DPP8: variants seen among roughly 807,000 people sequenced by gnomAD.
The protein encoded by DPP8 is dipeptidyl peptidase 8, also known as DPP VIII.
In DPP8, 31 loss-of-function variants were observed where a neutral mutation model predicts 107.5. That is an observed-to-expected ratio of 0.29 (90% CI 0.22 to 0.39). DPP8 has a LOEUF of 0.39. Among genes scored for constraint, DPP8 ranks in the 10% least tolerant of loss-of-function variants. The probability of loss-of-function intolerance (pLI) is 1.00; values close to 1 mark genes in which losing one functional copy is unlikely to be tolerated. For synonymous variants in DPP8, 381 were observed against 356.6 expected, an observed-to-expected ratio of 1.07 and a Z score of -0.77; for missense variants, 842 against 1,076.1, an observed-to-expected ratio of 0.78 and a Z score of 3.04.
chr15:65,510,729 C>T (rs765339812), intron 2 of DPP8, among the ~76,000 whole-genome samples: 5 of 152,018 alleles, frequency 3.3e-5, no homozygotes, highest in Non-Finnish European at 4.4e-5. Context: ...AGTAGAGACG[C>T]GGTTTCACCA....
At chr15:65,474,120 G>C (rs928990593) in intron 12 of DPP8, 89 bp downstream of exon 12, 2 of 986,342 alleles carry the variant, frequency 2.0e-6, no homozygotes, top group Non-Finnish European at 3.2e-6. Flanking sequence ...AAAAAATACC[G>C]GGGTCATATT....
chr15:65,492,457 C>T (rs1567243444), intron 5 of DPP8, among the ~76,000 whole-genome samples: 1 of 152,078 alleles, frequency 6.6e-6, no homozygotes, highest in African/African-American at 2.4e-5. Context: ...TAAGAAAGTG[C>T]CAAACAGTTA....
intron 17 of DPP8, among the ~76,000 whole-genome samples, chr15:65,452,586 T>C (rs971443773): frequency 1.3e-5 from 2 of 152,096 alleles, no homozygotes; most frequent in Admixed American, 6.6e-5. Context: ...CTGGGAAAAT[T>C]ATGGAAGTGG....
rs1351789213 is a variant in DPP8, at chr15:65,500,509, T to G, written c.546+97A>C. On this transcript the variant is annotated intron_variant, in intron 4 of 19. Transcript: ENST00000300141. ...TAAATTTCTTTGTTGGTGGGTAAAC[T>G]GAAGTTGCTGGTTTGTTTATTAATT... 4 of 893,530 alleles carry G rather than the reference T, an allele frequency of 4.5e-6. No homozygotes were observed. In the Admixed American group the frequency reaches 9.2e-5, roughly 21 times the overall value. 55.4% of individuals were successfully genotyped at this position (893,530 alleles called of 1,614,324 possible). A position where few individuals can be genotyped will look rare whatever the true frequency, so the allele number is the denominator to read the frequency against.
chr15:65,495,496 C>T (rs910990335), intron 5 of DPP8, among the ~76,000 whole-genome samples: 1 of 151,798 alleles, frequency 6.6e-6, no homozygotes, highest in African/African-American at 2.4e-5. Context: ...CCCAGCTACT[C>T]AGGAGGCTGA....
At chr15:65,512,631 A>T (rs781540099) in intron 1 of DPP8, 67 bp from the exon 2 acceptor site, 78 of 1,546,084 alleles carry the variant, frequency 5.0e-5, no homozygotes, top group Non-Finnish European at 6.8e-5. Flanking sequence ...ATTCTCTGAG[A>T]GGGTCAAAAA....
At chr15:65,502,448 C>T (rs943346863) in intron 3 of DPP8, among the ~76,000 whole-genome samples, 1 of 151,974 alleles carries the variant, frequency 6.6e-6, no homozygotes, top group East Asian at 1.9e-4. Context: ...GAGGTCAAGG[C>T]AGGTGGATCA....
intron 18 of DPP8, among the ~76,000 whole-genome samples, 179 bp from the exon 19 acceptor site, chr15:65,451,289 G>A (rs600664): frequency 0.36 from 54,041 of 151,790 alleles, 11,358 homozygotes; most frequent in East Asian, 0.77. Flanking sequence ...ATGCAATGAA[G>A]GATTAAAAAA....
At position 65,474,459 on chromosome 15, in the gene DPP8, T is replaced by C. The variant is rs145892195; in HGVS notation, c.1457-171A>G. Among the ~76,000 whole-genome samples the C allele has an allele frequency of 1.8e-4, 27 of 152,324 alleles. No individual in the cohort carries two copies. In the East Asian group the frequency reaches 4.8e-3, roughly 27 times the overall value. ...TGCACAGCATTGTGAATGTACTAAA[T>C]GCCACTGCATTGTTTGTTTATTTTT... On this transcript the variant is annotated intron_variant, in intron 11 of 19. Coordinates refer to ENST00000300141, the MANE Select transcript of DPP8 (RefSeq NM_130434.5).
intron 15 of DPP8, among the ~76,000 whole-genome samples, chr15:65,456,908 C>A (rs1043347964): frequency 2.0e-5 from 3 of 152,142 alleles, no homozygotes; most frequent in African/African-American, 7.2e-5. Flanking sequence ...TTGGTTCTAG[C>A]CCCAGGAACT....
chr15:65,501,901 T>C (rs567371207), intron 3 of DPP8, among the ~76,000 whole-genome samples: 84 of 152,328 alleles, frequency 5.5e-4, no homozygotes, highest in African/African-American at 1.9e-3. Flanking sequence ...CTTTCTTTCT[T>C]TCTTTGAGAC....
Position 65,487,831 on chromosome 15 carries a change from T to C in DPP8, c.827-13A>G. On this transcript the variant is annotated splice_polypyrimidine_tract_variant and intron_variant, in intron 6 of 19. Transcript: ENST00000300141. ...CCACCACTGGGAGCTTAAAAGAAATTTAAATATTGAAAATTTAGAAGAATT... is the reference window on the plus strand; with the variant it reads ...CCACCACTGGGAGCTTAAAAGAAATCTAAATATTGAAAATTTAGAAGAATT... 6.7e-7 allele frequency: 1 copy of C among 1,490,050 alleles called. No homozygotes were observed. Among genetic ancestry groups the C allele is most frequent in the Non-Finnish European group, 9.2e-7 (1 of 1,085,318 alleles). The allele number at this position is 1,490,050 out of a possible 1,614,324, so 92.3% of individuals were successfully genotyped here. A position where few individuals can be genotyped will look rare whatever the true frequency, so the allele number is the denominator to read the frequency against.
In DPP8 at chr15:65,442,532, C is replaced by A. The variant is rs886351600; in HGVS notation, c.*4352G>T. The A allele has an allele frequency of 2.6e-5, 4 of 152,192 alleles. No homozygotes were observed. Among genetic ancestry groups the A allele is most frequent in the African/African-American group, 9.6e-5 (4 of 41,452 alleles). 9.4% of individuals were successfully genotyped at this position (152,192 alleles called of 1,614,324 possible). A position where few individuals can be genotyped will look rare whatever the true frequency, so the allele number is the denominator to read the frequency against. ...ATAAAATGCAAGAAAACTAATGTTTCACTTTACATGATTAAAAGCCATATA... is the reference window on the plus strand; with the variant it reads ...ATAAAATGCAAGAAAACTAATGTTTAACTTTACATGATTAAAAGCCATATA... On this transcript the variant is annotated 3_prime_UTR_variant, in exon 20 of 20. Coordinates refer to ENST00000300141, the MANE Select transcript of DPP8 (RefSeq NM_130434.5).
rs1555468189 is a variant in DPP8 at position 65,499,105 on chromosome 15, G to GTGTTTGTGTGTGTGTGTATA, written c.547-1074_547-1073insTATACACACACACACAAACA. Among the ~76,000 whole-genome samples, 208 of 138,826 alleles carry GTGTTTGTGTGTGTGTGTATA rather than the reference G, an allele frequency of 1.5e-3. 1 individual carries two copies. The highest frequency in any genetic ancestry group is 5.0e-3 in the African/African-American group (187 of 37,664). 91.1% of individuals were successfully genotyped at this position (138,826 alleles called of 152,430 possible). On this transcript the variant is annotated intron_variant, in intron 4 of 19. Transcript: ENST00000300141. The stretch of plus-strand genomic sequence containing the variant: ...TGTGTGTGTGTGTGTGTGTGTGTGT[G>GTGTTTGTGTGTGTGTGTATA]TATATATAAATTTATTAAGATGAAT...
At chr15:65,454,074 T>C (rs141144643) in intron 17 of DPP8, among the ~76,000 whole-genome samples, 189 bp downstream of exon 17, 1,796 of 149,592 alleles carry the variant, frequency 0.012, 37 homozygotes, top group African/African-American at 0.042. Context: ...GGGGCAGAGA[T>C]TGCAGTGAGC....
chr15:65,454,185 T>C (rs1001754536), intron 17 of DPP8, 78 bp downstream of exon 17: 4 of 945,146 alleles, frequency 4.2e-6, no homozygotes, highest in Admixed American at 6.8e-5. Context: ...CTTCAGAAAA[T>C]AGACATTTTC....
chr15:65,471,556 T>C (rs1291111210), intron 12 of DPP8, among the ~76,000 whole-genome samples: 1 of 151,460 alleles, frequency 6.6e-6, no homozygotes, highest in Non-Finnish European at 1.5e-5. Flanking sequence ...CTCCCTATGT[T>C]ACCCAGGCTG....
chr15:65,508,900 A>G (rs2070408427), intron 2 of DPP8, among the ~76,000 whole-genome samples: 1 of 152,154 alleles, frequency 6.6e-6, no homozygotes, highest in South Asian at 2.1e-4. Context: ...GAGTGAAGGA[A>G]GGAAAACATA....
chr15:65,471,991 C>T (rs2065936991), intron 12 of DPP8, among the ~76,000 whole-genome samples: 1 of 152,186 alleles, frequency 6.6e-6, no homozygotes, highest in Non-Finnish European at 1.5e-5. Context: ...ATATGTGTCA[C>T]ACACATACAG....
Sources: gnomAD v4.1 joint callset for allele counts (sites outside exome capture counted in the v4.1 genomes callset) on GRCh38, gnomAD v4.1.1 for gene constraint, MANE v1.5 for transcripts, NCBI Gene and HGNC (gene_info 2026-07-23, HGNC 2026-07-21) for gene names.